Variants in DLG2 observed in about 807,000 individuals in gnomAD.
DLG2 encodes the protein discs large MAGUK scaffold protein 2.
A neutral mutation model predicts 132.5 loss-of-function variants in DLG2; 45 were observed. The ratio of observed to expected loss-of-function variants is 0.34; its 90% CI spans 0.27 to 0.44. DLG2 has a LOEUF of 0.44. Ranked by LOEUF, DLG2 falls within the 20% of genes least tolerant of loss-of-function variation. DLG2 has a pLI of 1.00. For synonymous variants in DLG2, 424 were observed against 419.6 expected, an observed-to-expected ratio of 1.01 and a Z score of -0.13; for missense variants, 1,045 against 1,196.9, an observed-to-expected ratio of 0.87 and a Z score of 1.87.
chr11:84,073,380 T>A (rs1037408867), intron 10 of DLG2, among the ~76,000 whole-genome samples: 2 of 151,358 alleles, frequency 1.3e-5, no homozygotes, highest in Admixed American at 6.6e-5. Flanking sequence ...GGGCAAGGCC[T>A]AAACAAACAC....
intron 7 of DLG2, among the ~76,000 whole-genome samples, chr11:84,326,856 T>C (rs537583338): frequency 2.6e-5 from 4 of 152,298 alleles, no homozygotes; most frequent in South Asian, 4.1e-4. Flanking sequence ...TGTATTTTTC[T>C]TTAATTCTAT....
rs1419613479 is a variant in DLG2, at chr11:83,620,671, C to T, written c.1940+12540G>A. Among the ~76,000 whole-genome samples the T allele has an allele frequency of 1.2e-4, 18 of 151,496 alleles. No homozygotes were observed. The East Asian group carries it at 3.5e-3, about 29-fold the overall frequency. On this transcript the variant is annotated intron_variant, in intron 19 of 27. Coordinates refer to ENST00000376104, the MANE Select transcript of DLG2 (RefSeq NM_001142699.3). Reference sequence around the variant, plus strand: ...GGATCACGAGGTCAGGAGATCGAGACCATCCCGGCTAAAACGGTGAAACCC... The same window carrying T: ...GGATCACGAGGTCAGGAGATCGAGATCATCCCGGCTAAAACGGTGAAACCC...
intron 10 of DLG2, among the ~76,000 whole-genome samples, chr11:84,079,495 C>T (rs1054273127): frequency 6.6e-6 from 1 of 152,008 alleles, no homozygotes; most frequent in African/African-American, 2.4e-5. Context: ...TTTGGCTAGG[C>T]TGGTCTTGAA....
In DLG2 at chr11:83,470,654, G is replaced by A. The variant is rs369815702; in HGVS notation, c.2446+972C>T. Among the ~76,000 whole-genome samples the A allele has an allele frequency of 6.5e-4, 99 of 152,240 alleles. 1 individual carries two copies. The South Asian group carries it at 0.02, about 31-fold the overall frequency. ...AAGACTTTCTCAGGATATGTTCTAT[G>A]GCAGGATCTCTTCCCAGAGCCCTTG... On this transcript the variant is annotated intron_variant, in intron 24 of 27. Coordinates refer to ENST00000376104, the MANE Select transcript of DLG2 (RefSeq NM_001142699.3).
chr11:84,857,495 G>A (rs935791638), intron 6 of DLG2, among the ~76,000 whole-genome samples: 3 of 151,972 alleles, frequency 2.0e-5, no homozygotes, highest in African/African-American at 7.2e-5. Flanking sequence ...ATGGAAAAGA[G>A]AAGGAATTCT....
intron 7 of DLG2, among the ~76,000 whole-genome samples, chr11:84,440,030 T>C (rs1430787331): frequency 7.2e-5 from 11 of 152,212 alleles, no homozygotes; most frequent in Admixed American, 7.2e-4. Context: ...CATGGATCAC[T>C]AAAACTAAGG....
At chr11:84,126,577 A>G (rs1444617080) in intron 9 of DLG2, among the ~76,000 whole-genome samples, 1 of 152,192 alleles carries the variant, frequency 6.6e-6, no homozygotes, top group East Asian at 1.9e-4. Flanking sequence ...CATGCCAACT[A>G]AAAAACAGAG....
intron 4 of DLG2, among the ~76,000 whole-genome samples, chr11:85,204,280 T>C (rs950612913): frequency 1.3e-5 from 2 of 152,134 alleles, no homozygotes; most frequent in Admixed American, 6.5e-5. Context: ...ATCTTCTTGT[T>C]AGAAAAACCT....
At chr11:85,012,076 C>G in intron 6 of DLG2, among the ~76,000 whole-genome samples, 1 of 151,334 alleles carries the variant, frequency 6.6e-6, no homozygotes. Flanking sequence ...AATCCCAGCA[C>G]TTTGAGAGGG....
At chr11:83,893,305 C>T (rs887756679) in intron 15 of DLG2, among the ~76,000 whole-genome samples, 16 of 152,186 alleles carry the variant, frequency 1.1e-4, no homozygotes, top group Admixed American at 7.2e-4. Context: ...AAGACTTTTC[C>T]ATTGCAGTTA....
intron 7 of DLG2, among the ~76,000 whole-genome samples, chr11:84,364,166 T>G (rs1207480450): frequency 6.6e-6 from 1 of 151,922 alleles, no homozygotes; most frequent in Non-Finnish European, 1.5e-5. Context: ...TCCATTTGTT[T>G]GTATCCTCTT....
intron 5 of DLG2, among the ~76,000 whole-genome samples, chr11:85,115,118 T>C (rs1265297100): frequency 6.6e-6 from 1 of 151,782 alleles, no homozygotes; most frequent in African/African-American, 2.4e-5. Context: ...TTGAGAAGTA[T>C]TGCATGATAG....
chr11:85,076,050 T>C (rs2066499715), intron 6 of DLG2, among the ~76,000 whole-genome samples: 1 of 151,988 alleles, frequency 6.6e-6, no homozygotes, highest in South Asian at 2.1e-4. Context: ...AATGAATTTA[T>C]TTACTCACAC....
At chr11:84,367,896 C>T (rs554682800) in intron 7 of DLG2, among the ~76,000 whole-genome samples, 5 of 152,010 alleles carry the variant, frequency 3.3e-5, no homozygotes, top group African/African-American at 1.2e-4. Flanking sequence ...TTATCTATTC[C>T]GTAAATGATA....
chr11:83,567,986 T>C (rs1297446619), intron 19 of DLG2, among the ~76,000 whole-genome samples: 1 of 152,172 alleles, frequency 6.6e-6, no homozygotes, highest in African/African-American at 2.4e-5. Context: ...TGCATATATA[T>C]GTAAATAAGG....
chr11:84,364,391 C>G (rs961547494), intron 7 of DLG2, among the ~76,000 whole-genome samples: 4 of 152,054 alleles, frequency 2.6e-5, no homozygotes, highest in African/African-American at 4.8e-5. Context: ...AGTTGCTTAT[C>G]AGCTTAAGGA....
chr11:85,162,286 G>C (rs1439765225), intron 4 of DLG2, among the ~76,000 whole-genome samples: 1 of 152,120 alleles, frequency 6.6e-6, no homozygotes. Context: ...AAGGTCAATG[G>C]GAAATGACAA....
At chr11:84,398,072 T>G (rs1226294588) in intron 7 of DLG2, among the ~76,000 whole-genome samples, 1 of 152,258 alleles carries the variant, frequency 6.6e-6, no homozygotes, top group Non-Finnish European at 1.5e-5. Context: ...ATACTGTTAT[T>G]TAAAGCAGCT....
chr11:84,461,974 G>A (rs899417120), intron 7 of DLG2, among the ~76,000 whole-genome samples: 1 of 150,830 alleles, frequency 6.6e-6, no homozygotes, highest in African/African-American at 2.4e-5. Flanking sequence ...TCAGATGATA[G>A]GAAAAGACAT....
Sources: allele counts gnomAD v4.1 joint callset (sites outside exome capture counted in the v4.1 genomes callset), GRCh38; gene constraint gnomAD v4.1.1; transcripts MANE v1.5; gene names NCBI Gene and HGNC (gene_info 2026-07-23, HGNC 2026-07-21).